PPARGC1A: variants seen among roughly 807,000 people sequenced by gnomAD.
PPARGC1A encodes the protein peroxisome proliferator-activated receptor gamma coactivator 1-alpha.
A neutral mutation model predicts 88.7 loss-of-function variants in PPARGC1A; 25 were observed. The observed-to-expected ratio is 0.28, with a 90% confidence interval of 0.21 to 0.39. PPARGC1A has a LOEUF of 0.39. Ranked by LOEUF, PPARGC1A falls within the 10% of genes least tolerant of loss-of-function variation. The pLI, the probability that PPARGC1A is intolerant of heterozygous loss-of-function variation, is 1.00. For missense variants in PPARGC1A, 880 were observed against 968.7 expected, an observed-to-expected ratio of 0.91 and a Z score of 1.22; for synonymous variants, 363 against 355.6, an observed-to-expected ratio of 1.02 and a Z score of -0.24.
chr4:24,329,255 A>G, the PPARGC1A span, among the ~76,000 whole-genome samples: 1 of 150,280 alleles, frequency 6.7e-6, no homozygotes, highest in Admixed American at 6.6e-5. Context: ...CCATCTCTTT[A>G]AGCTTTTTTT....
the PPARGC1A span, among the ~76,000 whole-genome samples, chr4:24,262,847 G>A: frequency 6.6e-6 from 1 of 152,136 alleles, no homozygotes; most frequent in Non-Finnish European, 1.5e-5. Context: ...AAAGCATGAA[G>A]TGGTGACTGT....
chr4:23,943,290 C>T, the PPARGC1A span, among the ~76,000 whole-genome samples: 9 of 151,850 alleles, frequency 5.9e-5, no homozygotes, highest in African/African-American at 1.7e-4. Flanking sequence ...GAATAATGCA[C>T]AACAGTCCTT....
At chr4:23,870,547 T>C (rs965641505) in intron 2 of PPARGC1A, among the ~76,000 whole-genome samples, 1 of 152,210 alleles carries the variant, frequency 6.6e-6, no homozygotes, top group Non-Finnish European at 1.5e-5. Context: ...TCTTCAAATG[T>C]CATATGTGCT....
chr4:24,120,467 C>A, the PPARGC1A span, among the ~76,000 whole-genome samples: 1 of 152,182 alleles, frequency 6.6e-6, no homozygotes. Context: ...TCTCGTTTAA[C>A]CCCCATAAAG....
At chr4:24,213,432 C>T in the PPARGC1A span, among the ~76,000 whole-genome samples, 4 of 152,090 alleles carry the variant, frequency 2.6e-5, no homozygotes, top group Admixed American at 1.3e-4. Context: ...TCCCAAAGTG[C>T]GGGGATTACA....
chr4:23,913,261 T>TAGAGAG, the PPARGC1A span, among the ~76,000 whole-genome samples: 7 of 54,610 alleles, frequency 1.3e-4, no homozygotes, highest in Admixed American at 7.2e-4. Context: ...TATATATATA[T>TAGAGAG]ATATATAGAG....
At chr4:23,955,633 C>T in the PPARGC1A span, among the ~76,000 whole-genome samples, 1 of 152,124 alleles carries the variant, frequency 6.6e-6, no homozygotes, top group Non-Finnish European at 1.5e-5. Context: ...TGGGCTATAA[C>T]ACGATCATTT....
At chr4:24,047,910 TTTTC>T in the PPARGC1A span, among the ~76,000 whole-genome samples, 15 of 152,148 alleles carry the variant, frequency 9.9e-5, no homozygotes, top group Admixed American at 2.6e-4. Flanking sequence ...ACTTAAAATG[TTTTC>T]TTTCTAACTC....
At chr4:24,206,633 A>G in the PPARGC1A span, among the ~76,000 whole-genome samples, 112 of 152,036 alleles carry the variant, frequency 7.4e-4, 7 homozygotes, top group Non-Finnish European at 8.8e-5. Flanking sequence ...GGAGTTCGAG[A>G]CCAGCCTGGC....
At chr4:24,337,433 C>T in the PPARGC1A span, among the ~76,000 whole-genome samples, 1 of 152,134 alleles carries the variant, frequency 6.6e-6, no homozygotes, top group South Asian at 2.1e-4. Context: ...CTTACATGAA[C>T]AATGGTGTGG....
the PPARGC1A span, among the ~76,000 whole-genome samples, chr4:24,261,988 T>C: frequency 6.4e-4 from 98 of 152,318 alleles, no homozygotes; most frequent in African/African-American, 2.3e-3. Flanking sequence ...AGGTAAGTTA[T>C]CAACAGACCC....
chr4:24,460,493 T>C, the PPARGC1A span, among the ~76,000 whole-genome samples: 1 of 152,196 alleles, frequency 6.6e-6, no homozygotes, highest in Non-Finnish European at 1.5e-5. Flanking sequence ...GCAACCATTG[T>C]TTTTCAGCAG....
chr4:24,413,240 A>ATTTTT, the PPARGC1A span, among the ~76,000 whole-genome samples: 267 of 141,060 alleles, frequency 1.9e-3, 1 homozygote, highest in African/African-American at 6.0e-3. Context: ...GCCTGGCTTC[A>ATTTTT]TTTTTTTTTT....
the PPARGC1A span, among the ~76,000 whole-genome samples, chr4:24,045,909 T>G: frequency 2.0e-5 from 3 of 152,070 alleles, no homozygotes; most frequent in Non-Finnish European, 4.4e-5. Flanking sequence ...AGACCCCAAA[T>G]ACTTAGCAAC....
At chr4:24,458,688 T>C in the PPARGC1A span, among the ~76,000 whole-genome samples, 11 of 152,236 alleles carry the variant, frequency 7.2e-5, no homozygotes, top group South Asian at 1.2e-3. Flanking sequence ...GAAATACTCA[T>C]AGATATGTAC....
At chr4:24,333,254 A>T in the PPARGC1A span, among the ~76,000 whole-genome samples, 2 of 152,192 alleles carry the variant, frequency 1.3e-5, no homozygotes, top group African/African-American at 4.8e-5. Flanking sequence ...AAAAGAAAAA[A>T]AAAAGTGTAA....
At chr4:23,930,634 T>A in the PPARGC1A span, among the ~76,000 whole-genome samples, 1 of 152,240 alleles carries the variant, frequency 6.6e-6, no homozygotes, top group Admixed American at 6.5e-5. Flanking sequence ...AATAAATTGT[T>A]GCCAGAGGCT....
At chr4:23,891,948 G>T (rs1428121444), upstream of PPARGC1A, among the ~76,000 whole-genome samples, 1 of 152,144 alleles carries the variant, frequency 6.6e-6, no homozygotes, top group Admixed American at 6.5e-5. Context: ...CATTGGCTCT[G>T]CCCTCAAGGA....
the PPARGC1A span, among the ~76,000 whole-genome samples, chr4:24,245,689 C>T: frequency 3.1e-4 from 47 of 152,292 alleles, no homozygotes; most frequent in African/African-American, 1.1e-3. Context: ...AGGTTTGGAC[C>T]AAGTCAAGAC....
Sources: gnomAD v4.1 joint callset for allele counts (sites outside exome capture counted in the v4.1 genomes callset) on GRCh38, gnomAD v4.1.1 for gene constraint, MANE v1.5 for transcripts, NCBI Gene and HGNC (gene_info 2026-07-23, HGNC 2026-07-21) for gene names.